The following FTSJ3 variants were observed in gnomAD, a reference collection of about 807,000 sequenced individuals.
The protein encoded by FTSJ3 is pre-rRNA 2'-O-ribose RNA methyltransferase FTSJ3.
FTSJ3 carries 46 observed loss-of-function variants against 111.5 expected under a neutral mutation model. The ratio of observed to expected loss-of-function variants is 0.41; its 90% CI spans 0.33 to 0.53. The LOEUF (loss-of-function observed/expected upper bound fraction) is 0.53. FTSJ3 is among the 20% of genes least tolerant of loss of function. The probability of loss-of-function intolerance (pLI) is 0.19; values close to 1 mark genes in which losing one functional copy is unlikely to be tolerated. For synonymous variants in FTSJ3, 408 were observed against 383.0 expected (o/e 1.07, Z -0.76); for missense variants, 1,075 against 1,063.8 (o/e 1.01, Z -0.15).
chr17:63,824,134 C>T lies in FTSJ3; in HGVS notation c.1104G>A (p.Leu368=), dbSNP rs890078238. ...EEEEEEEEEQ[L]NQTLAEMKAQ... is the part of the protein sequence containing the mutation. ...CCTTCATTTCTGCCAAGGTCTGGTTCAGTTGTTCCTCCTCCTCCTCTTCCT... is the reference window on the plus strand; with the variant it reads ...CCTTCATTTCTGCCAAGGTCTGGTTTAGTTGTTCCTCCTCCTCCTCTTCCT... The change falls in exon 12 of 21, where the codon CTG becomes CTA. Residue 368 remains leucine (L), a synonymous_variant. Coordinates refer to ENST00000427159, the MANE Select transcript of FTSJ3 (RefSeq NM_017647.4). 6.2e-7 allele frequency: 1 copy of T among 1,614,064 alleles called. No homozygotes were observed. The highest frequency in any genetic ancestry group is 1.3e-5 in the African/African-American group (1 of 74,910).
rs774152900 is a variant in FTSJ3, at chr17:63,826,919, A to G, written c.-17T>C. On this transcript the variant is annotated 5_prime_UTR_variant, in exon 2 of 21. Transcript: ENST00000427159. The stretch of plus-strand genomic sequence containing the variant: ...CTTGCCCATGGTGGAAAGGGGGAGT[A>G]TCCCTCAATCTGGGGAGAAAGTAGA... The G allele has an allele frequency of 3.1e-6, 5 of 1,607,010 alleles. No individual in the cohort carries two copies. In the East Asian group the frequency reaches 8.9e-5, roughly 29 times the overall value.
Position 63,821,780 on chromosome 17 carries a change from T to C in FTSJ3, c.1539A>G (p.Val513=), listed in dbSNP as rs188201902. 6.2e-7 allele frequency: 1 copy of C among 1,614,126 alleles called. No individual in the cohort carries two copies. Among genetic ancestry groups the C allele is most frequent in the Non-Finnish European group, 8.5e-7 (1 of 1,180,002 alleles). The change falls in exon 15 of 21, where the codon GTA becomes GTG. Residue 513 remains valine (V), a synonymous_variant. Transcript: ENST00000427159. ...EEEEEENPLL[V]PLEEKAVLQE... ...GCAGTACTGCCTTTTCCTCCAGTGGTACCAGCAGTGGATTCTCCTCCTCCT... is the reference window on the plus strand; with the variant it reads ...GCAGTACTGCCTTTTCCTCCAGTGGCACCAGCAGTGGATTCTCCTCCTCCT...
chr17:63,825,487 G>A (rs1357111027), intron 6 of FTSJ3, 49 bp downstream of exon 6: 11 of 1,603,484 alleles, frequency 6.9e-6, no homozygotes, highest in Middle Eastern at 1.7e-4. Context: ...AGGAGGGCAT[G>A]CGCCCACCTC....
intron 18 of FTSJ3, 49 bp from the exon 19 acceptor site, chr17:63,820,487 A>C: frequency 6.3e-7 from 1 of 1,586,554 alleles, no homozygotes; most frequent in Non-Finnish European, 8.6e-7. Context: ...AGGCTTTCTA[A>C]AGAAATTACC....
chr17:63,821,552 T>TGCC lies in FTSJ3; in HGVS notation c.1685_1687dup (p.Arg562dup). 1 of 1,614,116 alleles carries TGCC rather than the reference T, an allele frequency of 6.2e-7. No individual in the cohort carries two copies. Among genetic ancestry groups the TGCC allele is most frequent in the Non-Finnish European group, 8.5e-7 (1 of 1,180,026 alleles). Reference sequence around the variant, plus strand: ...TGGCAGCTGCTGCTTCTGCTGCTGCTGCCGTCCCTTCCGCCGGTTCTCAAA... The same window carrying TGCC: ...TGGCAGCTGCTGCTTCTGCTGCTGCTGCCGCCGTCCCTTCCGCCGGTTCTCAAA... On this transcript the variant is annotated inframe_insertion, in exon 16 of 21. Transcript: ENST00000427159.
chr17:63,825,317 G>A lies in FTSJ3; in HGVS notation c.520C>T (p.Leu174=). ...YQPLLWIFQQ[L]FRRVQATKPQ... ...TTGGTGGCCTGGACACGGCGGAACA[G>A]CTGCTGAAAGATCCATAGCAGAGGC... The change falls in exon 7 of 21, where the codon CTG becomes TTG. Residue 174 remains leucine, a synonymous_variant. Transcript: ENST00000427159. 6.2e-7 allele frequency: 1 copy of A among 1,614,222 alleles called. No individual in the cohort carries two copies. The highest frequency in any genetic ancestry group is 1.1e-5 in the South Asian group (1 of 91,088).
rs1257639009 is a variant in FTSJ3 at position 63,821,128 on chromosome 17, G to A, written c.1887-13C>T. 1 of 1,613,176 alleles carries A rather than the reference G, an allele frequency of 6.2e-7. No homozygotes were observed. The highest frequency in any genetic ancestry group is 1.7e-5 in the Admixed American group (1 of 60,026). ...GAGGGGTTCCCAGCTGTGAAGAGGG[G>A]AGGACTCTGAGTGATTCCACCACTC... On this transcript the variant is annotated splice_polypyrimidine_tract_variant and intron_variant, in intron 16 of 20. Coordinates refer to ENST00000427159, the MANE Select transcript of FTSJ3 (RefSeq NM_017647.4).
Position 63,821,398 on chromosome 17 carries a change from G to GCCAT in FTSJ3, c.1838_1841dup (p.Ile615TrpfsTer6). On this transcript the variant is annotated frameshift_variant, in exon 16 of 21. Transcript: ENST00000427159. LOFTEE classifies it high-confidence loss of function. ...TAGTACTGCTATCACTGTCTGAGAT[G>GCCAT]CCATCCTTTTCTTCCCCTTCAAGGC... 1 of 1,613,858 alleles carries GCCAT rather than the reference G, an allele frequency of 6.2e-7. No individual in the cohort carries two copies. The highest frequency in any genetic ancestry group is 1.1e-5 in the South Asian group (1 of 91,042).
chr17:63,824,653 C>G lies in FTSJ3; in HGVS notation c.901G>C (p.Gly301Arg). ...RVCCQDIRVL[G>R]RKELRSLLNW... ...ACTCCATACCTGAGCTCCTTGCGCC[C>G]CAACACTCTGATGTCCTGACAGCAC... The change falls in exon 10 of 21, where the codon GGG (glycine) becomes CGG (arginine). Residue 301 changes from glycine to arginine, a missense_variant. This residue lies in a region of FTSJ3 where 867 missense variants were observed against 796.9 expected (regional missense o/e 1.09). Coordinates refer to ENST00000427159, the MANE Select transcript of FTSJ3 (RefSeq NM_017647.4). The G allele has an allele frequency of 6.2e-7, 1 of 1,614,090 alleles. No individual in the cohort carries two copies. Among genetic ancestry groups the G allele is most frequent in the Non-Finnish European group, 8.5e-7 (1 of 1,179,926 alleles).
In FTSJ3 at chr17:63,821,335, C is replaced by G. The variant is rs770649810; in HGVS notation, c.1886+19G>C. On this transcript the variant is annotated intron_variant, in intron 16 of 20. Coordinates refer to ENST00000427159, the MANE Select transcript of FTSJ3 (RefSeq NM_017647.4). ...CCACCGCTTCCTTTCCATCCCTTCT[C>G]TCAGCTGCAACTACTCACCTCTCTT... The G allele has an allele frequency of 5.0e-6, 8 of 1,589,374 alleles. No homozygotes were observed. In the African/African-American group the frequency reaches 8.1e-5, roughly 16 times the overall value.
Position 63,820,827 on chromosome 17 carries a change from T to C in FTSJ3, c.2072+12A>G, listed in dbSNP as rs2144602644. 1 of 1,597,270 alleles carries C rather than the reference T, an allele frequency of 6.3e-7. No homozygotes were observed. Among genetic ancestry groups the C allele is most frequent in the Non-Finnish European group, 8.6e-7 (1 of 1,164,768 alleles). On this transcript the variant is annotated intron_variant, in intron 18 of 20. Coordinates refer to ENST00000427159, the MANE Select transcript of FTSJ3 (RefSeq NM_017647.4). ...CCCTGGGTCACTCTTGATGAGTTTA[T>C]GGCCCCTTTACCGGTTGAAGGAGTT...
intron 19 of FTSJ3, 29 bp from the exon 20 acceptor site, chr17:63,820,202 T>TGGCG: frequency 6.3e-7 from 1 of 1,593,210 alleles, no homozygotes; most frequent in Non-Finnish European, 8.6e-7. Flanking sequence ...GGTGACCTCT[T>TGGCG]CCCCATCCCC....
Position 63,820,368 on chromosome 17 carries a change from G to T in FTSJ3, c.2143C>A (p.Arg715=), listed in dbSNP as rs2040037645. 1 of 1,613,930 alleles carries T rather than the reference G, an allele frequency of 6.2e-7. No homozygotes were observed. The highest frequency in any genetic ancestry group is 1.3e-5 in the African/African-American group (1 of 74,846). ...FVQEEKQHRI[R]QLPVGKKEVE... ...TCCTTCTTACCAACAGGCAACTGTC[G>T]TATCCGGTGCTGCTTTTCCTCTTGC... The change falls in exon 19 of 21, where the codon CGA becomes AGA. Residue 715 remains arginine, a synonymous_variant. Coordinates refer to ENST00000427159, the MANE Select transcript of FTSJ3 (RefSeq NM_017647.4).
Position 63,826,048 on chromosome 17 carries a change from C to T in FTSJ3, c.300+8G>A. On this transcript the variant is annotated splice_region_variant and intron_variant, in intron 5 of 20. Coordinates refer to ENST00000427159, the MANE Select transcript of FTSJ3 (RefSeq NM_017647.4). ...TAAAGGGGGAAGGAAGAGAGAGACT[C>T]CTATTACCTGCCTACAACGTTCTGT... 2 of 1,599,862 alleles carry T rather than the reference C, an allele frequency of 1.3e-6. No homozygotes were observed. The highest frequency in any genetic ancestry group is 1.7e-6 in the Non-Finnish European group (2 of 1,168,254).
In FTSJ3 at chr17:63,822,017, A is replaced by C. The variant is rs1169232634; in HGVS notation, c.1442T>G (p.Val481Gly). 1 of 1,613,290 alleles carries C rather than the reference A, an allele frequency of 6.2e-7. No homozygotes were observed. The highest frequency in any genetic ancestry group is 8.5e-7 in the Non-Finnish European group (1 of 1,179,866). The change falls in exon 14 of 21, where the codon GTC (valine) becomes GGC (glycine). Residue 481 changes from valine to glycine, a missense_variant. Transcript: ENST00000427159. ...GTCCCTTAGACCCTGATGTCCCCTG[A>C]CTCCTGCCAGCTCCTCTGGATCCAG... ...SDLDPEELAG[V>G]RGHQGLRDQK... is the part of the protein sequence containing the mutation.
Position 63,820,847 on chromosome 17 carries a change from G to A in FTSJ3, c.2064C>T (p.Ser688=). 6.2e-7 allele frequency: 1 copy of A among 1,612,342 alleles called. No homozygotes were observed. The highest frequency in any genetic ancestry group is 8.5e-7 in the Non-Finnish European group (1 of 1,178,410). ...GTTTATGGCCCCTTTACCGGTTGAA[G>A]GAGTTATCTATGAGGTCTCTCTTGG... ...KKAKRDLIDN[S]FNRYTFNEDE... is the part of the protein sequence containing the mutation. The change falls in exon 18 of 21, where the codon TCC becomes TCT. Residue 688 remains serine (S), a synonymous_variant. Coordinates refer to ENST00000427159, the MANE Select transcript of FTSJ3 (RefSeq NM_017647.4).
intron 18 of FTSJ3, 109 bp from the exon 19 acceptor site, chr17:63,820,547 G>A: frequency 3.7e-6 from 4 of 1,073,834 alleles, no homozygotes; most frequent in Non-Finnish European, 4.1e-6. Context: ...TTGGGAGGCT[G>A]AGGTGGGCAG....
At position 63,820,209 on chromosome 17, in the gene FTSJ3, C is replaced by CCCCCCA. The variant is rs746669909; in HGVS notation, c.2256+40_2257-37dup. On this transcript the variant is annotated intron_variant, in intron 19 of 20. Transcript: ENST00000427159. ...ACCTGTCAGGTGACCTCTTCCCCAT[C>CCCCCCA]CCCCCACCCCCACCCCACCCAATCT... 1.6e-4 allele frequency: 87 copies of CCCCCCA among 545,188 alleles called. 2 individuals carry two copies. Among genetic ancestry groups the CCCCCCA allele is most frequent in the South Asian group, 1.2e-3 (81 of 69,998 alleles). The allele number at this position is 545,188 out of a possible 1,614,324, so 33.8% of individuals were successfully genotyped here.
At position 63,824,168 on chromosome 17, in the gene FTSJ3, T is replaced by A. The variant is rs1486374248; in HGVS notation, c.1070A>T (p.Lys357Met). ...CTCCTCCTCCTCTTCCTCCTCCTCC[T>A]TAGAGGGCTGCTTTGTGGTTCCAGC... ...STAGTTKQPS[K>M]EEEEEEEEEQ... Residue 357 changes from lysine to methionine, a missense_variant, in exon 12 of 21, where the codon AAG (lysine) becomes ATG (methionine). Coordinates refer to ENST00000427159, the MANE Select transcript of FTSJ3 (RefSeq NM_017647.4). The A allele has an allele frequency of 6.2e-7, 1 of 1,614,170 alleles. No individual in the cohort carries two copies. Among genetic ancestry groups the A allele is most frequent in the Non-Finnish European group, 8.5e-7 (1 of 1,180,024 alleles).
Sources: gnomAD v4.1 joint callset for allele counts on GRCh38, gnomAD v4.1.1 for gene constraint, gnomAD v4.1.1 regional missense constraint, MANE v1.5 for transcripts, NCBI Gene and HGNC (gene_info 2026-07-23, HGNC 2026-07-21) for gene names.